GSAP: variants seen among roughly 807,000 people sequenced by gnomAD.
The protein encoded by GSAP is gamma-secretase activating protein.
In GSAP, 118 loss-of-function variants were observed where a neutral mutation model predicts 131.7. The ratio of observed to expected loss-of-function variants is 0.90; its 90% CI spans 0.77 to 1.04. The LOEUF is 1.04. Among genes scored for constraint, GSAP ranks in the 50% least tolerant of loss-of-function variants. GSAP has a pLI of 0.00. For missense variants in GSAP, 1,019 were observed against 1,013.2 expected, an observed-to-expected ratio of 1.01 and a Z score of -0.08; for synonymous variants, 381 against 363.4, an observed-to-expected ratio of 1.05 and a Z score of -0.55.
chr7:77,390,397 C>G (rs1448766723), intron 5 of GSAP, among the ~76,000 whole-genome samples: 2 of 152,102 alleles, frequency 1.3e-5, no homozygotes, highest in Non-Finnish European at 2.9e-5. Context: ...AGGTTTTCTT[C>G]TAGGGTTTTT....
chr7:77,334,354 A>G (rs1249376820), intron 19 of GSAP, among the ~76,000 whole-genome samples: 2 of 152,178 alleles, frequency 1.3e-5, no homozygotes, highest in South Asian at 2.1e-4. Flanking sequence ...GTTCTCACTT[A>G]TAAGTAGGAG....
chr7:77,367,605 A>T (rs2150956099), intron 12 of GSAP, among the ~76,000 whole-genome samples: 1 of 152,232 alleles, frequency 6.6e-6, no homozygotes, highest in Non-Finnish European at 1.5e-5. Context: ...TTTGGTTTCC[A>T]TGTATTTTGA....
intron 7 of GSAP, among the ~76,000 whole-genome samples, chr7:77,382,218 T>A (rs988835851): frequency 6.6e-6 from 1 of 151,966 alleles, no homozygotes; most frequent in Non-Finnish European, 1.5e-5. Context: ...CATCCAAGCA[T>A]CTCCATATTA....
intron 22 of GSAP, 79 bp downstream of exon 22, chr7:77,328,527 C>A (rs1788641397): frequency 6.4e-6 from 10 of 1,554,322 alleles, no homozygotes; most frequent in Admixed American, 2.1e-5. Context: ...TCTTGCCAAC[C>A]CACAGTGGTA....
intron 19 of GSAP, among the ~76,000 whole-genome samples, chr7:77,348,936 C>CTGTGTGTG (rs143107394): frequency 2.6e-5 from 4 of 151,084 alleles, no homozygotes; most frequent in African/African-American, 9.7e-5. Context: ...ACTGGAAATT[C>CTGTGTGTG]TGTGTGTGTG....
chr7:77,381,675 G>A (rs1244434998), intron 7 of GSAP, among the ~76,000 whole-genome samples: 4 of 151,982 alleles, frequency 2.6e-5, no homozygotes, highest in Non-Finnish European at 5.9e-5. Flanking sequence ...TACCATCAGC[G>A]TTATATAGGG....
chr7:77,328,607 C>A lies in GSAP; in HGVS notation c.1764G>T (p.Leu588Phe). ...KVISNLEARN[L>F]GPRLTPLLQE... ...GCTTTATTACAGATCTTTTCTTACC[C>A]AAATTTCTTGCTTCTAGGTTAGAAA... Residue 588 changes from leucine to phenylalanine, a missense_variant and splice_region_variant, in exon 22 of 31, where the codon TTG (leucine) becomes TTT (phenylalanine). Transcript: ENST00000257626. The A allele has an allele frequency of 6.2e-7, 1 of 1,611,328 alleles. No individual in the cohort carries two copies.
intron 19 of GSAP, among the ~76,000 whole-genome samples, chr7:77,345,818 T>A (rs1392713796): frequency 6.6e-6 from 1 of 152,204 alleles, no homozygotes; most frequent in African/African-American, 2.4e-5. Context: ...CCCAGGTGAT[T>A]AAAAAGCTCT....
At chr7:77,405,919 T>C in intron 2 of GSAP, 110 bp downstream of exon 2, 1 of 385,480 alleles carries the variant, frequency 2.6e-6, no homozygotes, top group South Asian at 3.6e-5. Flanking sequence ...AACAAGTTTA[T>C]TCATTACCCT....
chr7:77,416,175 C>A (rs1211345988), intron 1 of GSAP, 38 bp downstream of exon 1: 3 of 1,101,296 alleles, frequency 2.7e-6, no homozygotes, highest in East Asian at 6.4e-5. Flanking sequence ...GACTCCCACT[C>A]CCCGCCCCCA....
At chr7:77,359,473 T>C (rs1027820691) in intron 14 of GSAP, among the ~76,000 whole-genome samples, 12 of 152,170 alleles carry the variant, frequency 7.9e-5, no homozygotes, top group Admixed American at 5.2e-4. Flanking sequence ...AATTATTCTT[T>C]AATATATTAA....
chr7:77,371,447 T>C (rs1419985877), intron 12 of GSAP, among the ~76,000 whole-genome samples: 2 of 144,670 alleles, frequency 1.4e-5, no homozygotes, highest in Non-Finnish European at 3.1e-5. Context: ...TTTTTTTTTT[T>C]TTTTTAAGAC....
At chr7:77,399,485 G>T (rs1583868570) in intron 3 of GSAP, among the ~76,000 whole-genome samples, 1 of 152,166 alleles carries the variant, frequency 6.6e-6, no homozygotes, top group African/African-American at 2.4e-5. Context: ...GTATTCTCTT[G>T]TATCCAACCA....
chr7:77,358,746 G>A (rs1211389218), intron 14 of GSAP, among the ~76,000 whole-genome samples: 1 of 152,188 alleles, frequency 6.6e-6, no homozygotes, highest in Non-Finnish European at 1.5e-5. Flanking sequence ...TTGGGTGACT[G>A]ATGGGATCAT....
intron 30 of GSAP, 23 bp from the exon 31 acceptor site, chr7:77,311,472 C>G: frequency 1.5e-6 from 2 of 1,369,360 alleles, no homozygotes; most frequent in Non-Finnish European, 2.1e-6. Context: ...GGGGAGAGGG[C>G]AGGGAAAAAG....
chr7:77,331,166 T>G lies in GSAP; in HGVS notation c.1546-799A>C, dbSNP rs1465234987. On this transcript the variant is annotated intron_variant, in intron 19 of 30. Coordinates refer to ENST00000257626, the MANE Select transcript of GSAP (RefSeq NM_017439.4). ...AATACAAAAAATTAGCCAGGTGCAG[T>G]GGCGGGCGCTTGTAGTCCCAGCTAC... Among the ~76,000 whole-genome samples the G allele has an allele frequency of 2.0e-5, 3 of 152,072 alleles. No homozygotes were observed. In the South Asian group the frequency reaches 6.2e-4, roughly 31 times the overall value.
At chr7:77,393,478 T>C (rs1253110574) in intron 5 of GSAP, among the ~76,000 whole-genome samples, 3 of 152,040 alleles carry the variant, frequency 2.0e-5, no homozygotes, top group Non-Finnish European at 4.4e-5. Context: ...GGGATGTCTA[T>C]TAGGCATGTC....
In GSAP at chr7:77,389,050, T is replaced by A. The variant is rs549224523; in HGVS notation, c.368-1602A>T. Among the ~76,000 whole-genome samples, 115 of 152,174 alleles carry A rather than the reference T, an allele frequency of 7.6e-4. 2 individuals are homozygous for A. The highest frequency in any genetic ancestry group is 9.7e-4 in the East Asian group (5 of 5,178). On this transcript the variant is annotated intron_variant, in intron 5 of 30. Transcript: ENST00000257626. ...ATGACTCAAAAAATGGCTCCAGGAA[T>A]AAGAAAGACATTGGTGTCAAAGATA...
chr7:77,396,232 C>A (rs964054872), intron 5 of GSAP, among the ~76,000 whole-genome samples: 5 of 151,594 alleles, frequency 3.3e-5, no homozygotes, highest in African/African-American at 1.2e-4. Context: ...AAAAATATTT[C>A]TTGGTTTCTA....
Sources: allele counts gnomAD v4.1 joint callset (sites outside exome capture counted in the v4.1 genomes callset), GRCh38; gene constraint gnomAD v4.1.1; transcripts MANE v1.5; gene names NCBI Gene and HGNC (gene_info 2026-07-23, HGNC 2026-07-21).